LDB2: variants seen among roughly 807,000 people sequenced by gnomAD.
The protein encoded by LDB2 is LIM domain-binding protein 2.
In LDB2, 12 loss-of-function variants were observed where a neutral mutation model predicts 44.3. The observed-to-expected ratio is 0.27, with a 90% CI of 0.17 to 0.44. The LOEUF (loss-of-function observed/expected upper bound fraction) is 0.44, where lower values mean the gene tolerates loss of function less well. LDB2 is among the 20% of genes least tolerant of loss of function. LDB2 has a pLI of 1.00. For missense variants in LDB2, 344 were observed against 473.5 expected (o/e 0.73, Z 2.54); for synonymous variants, 164 against 174.8 (o/e 0.94, Z 0.49).
chr4:16,535,894 T>A (rs1731664626), intron 5 of LDB2, among the ~76,000 whole-genome samples: 1 of 152,160 alleles, frequency 6.6e-6, no homozygotes, highest in Non-Finnish European at 1.5e-5. Context: ...GGAGTTGAAC[T>A]TGTGTAAAAG....
At chr4:16,591,539 C>T (rs1489235209) in intron 3 of LDB2, among the ~76,000 whole-genome samples, 1 of 152,102 alleles carries the variant, frequency 6.6e-6, no homozygotes, top group African/African-American at 2.4e-5. Context: ...AAATAAATGA[C>T]TTATTTGAAT....
At chr4:16,666,431 G>A (rs752098969) in intron 2 of LDB2, among the ~76,000 whole-genome samples, 1 of 152,200 alleles carries the variant, frequency 6.6e-6, no homozygotes, top group Non-Finnish European at 1.5e-5. Context: ...CCTCACAACG[G>A]TAGTGACTCT....
intron 2 of LDB2, among the ~76,000 whole-genome samples, chr4:16,604,150 G>C (rs745821719): frequency 3.3e-5 from 5 of 152,132 alleles, no homozygotes; most frequent in Non-Finnish European, 5.9e-5. Flanking sequence ...ATAGTGCCTG[G>C]CCAACAAATA....
chr4:16,715,750 C>T (rs911311795), intron 2 of LDB2, among the ~76,000 whole-genome samples: 7 of 152,208 alleles, frequency 4.6e-5, no homozygotes, highest in African/African-American at 1.7e-4. Context: ...AAGAGGATCT[C>T]CTCAACTTAA....
chr4:16,564,318 GT>G (rs1443614582), intron 5 of LDB2, among the ~76,000 whole-genome samples: 1 of 152,088 alleles, frequency 6.6e-6, no homozygotes, highest in Non-Finnish European at 1.5e-5. Context: ...CTGAGATCTC[GT>G]CACCGCACTC....
At position 16,501,796 on chromosome 4, in the gene LDB2, G is replaced by A. The variant is rs1304032428; in HGVS notation, c.*847C>T. On this transcript the variant is annotated 3_prime_UTR_variant, in exon 8 of 8. Transcript: ENST00000304523. ...ACAAGAAATATACTATAAAAAGAAA[G>A]GATGGTCAACTCAGGTACAATTAGA... 1 of 152,536 alleles carries A rather than the reference G, an allele frequency of 6.6e-6. No individual in the cohort carries two copies. The highest frequency in any genetic ancestry group is 2.4e-5 in the African/African-American group (1 of 41,410). The allele number at this position is 152,536 out of a possible 1,614,324, so 9.4% of individuals were successfully genotyped here.
chr4:16,758,882 A>G (rs1233151225), intron 2 of LDB2, among the ~76,000 whole-genome samples: 1 of 152,182 alleles, frequency 6.6e-6, no homozygotes, highest in Admixed American at 6.5e-5. Flanking sequence ...GAAATTGTCC[A>G]TCATTCCGCT....
intron 3 of LDB2, among the ~76,000 whole-genome samples, chr4:16,589,085 CTA>C (rs1717996588): frequency 6.6e-6 from 1 of 152,186 alleles, no homozygotes; most frequent in Non-Finnish European, 1.5e-5. Flanking sequence ...TACTGAAACT[CTA>C]TGACCCTCAG....
rs145355160 is a variant in LDB2 at position 16,759,237 on chromosome 4, G to A, written c.156C>T (p.Asp52=). 4.3e-5 allele frequency: 69 copies of A among 1,613,334 alleles called. No homozygotes were observed. The highest frequency in any genetic ancestry group is 2.1e-4 in the South Asian group (19 of 91,062). The change falls in exon 2 of 8, where the codon GAC becomes GAT. Residue 52 remains aspartate, a synonymous_variant. Transcript: ENST00000304523. ...RTEDSDNLWW[D]AFATEFFEDD... is the part of the protein sequence containing the mutation. Reference sequence around the variant, plus strand: ...CTTCAAAAAATTCAGTGGCAAAGGCGTCCCACCAGAGGTTGTCACTATCCT... The same window carrying A: ...CTTCAAAAAATTCAGTGGCAAAGGCATCCCACCAGAGGTTGTCACTATCCT...
intron 5 of LDB2, among the ~76,000 whole-genome samples, chr4:16,535,541 T>C (rs974911469): frequency 3.9e-5 from 6 of 152,134 alleles, no homozygotes; most frequent in African/African-American, 4.8e-5. Flanking sequence ...TTCACTCTTA[T>C]GGGGGAAGAA....
At position 16,597,176 on chromosome 4, in the gene LDB2, A is replaced by G. The variant is rs551212154; in HGVS notation, c.236-1301T>C. 4.6e-5 allele frequency among the ~76,000 whole-genome samples: 7 copies of G among 152,302 alleles called. No individual in the cohort carries two copies. In the East Asian group the frequency reaches 1.2e-3, roughly 25 times the overall value. On this transcript the variant is annotated intron_variant, in intron 2 of 7. Coordinates refer to ENST00000304523, the MANE Select transcript of LDB2 (RefSeq NM_001290.5). Reference sequence around the variant, plus strand: ...ACTTGGAAAAAATAAGTATAAAGAAAATACCCTGCCAAATTGTTTTCTGAA... The same window carrying G: ...ACTTGGAAAAAATAAGTATAAAGAAGATACCCTGCCAAATTGTTTTCTGAA...
chr4:16,814,073 T>G (rs1436056962), intron 1 of LDB2, among the ~76,000 whole-genome samples: 1 of 152,040 alleles, frequency 6.6e-6, no homozygotes, highest in Non-Finnish European at 1.5e-5. Flanking sequence ...GGGTTTCACT[T>G]GTTAGCCAGG....
chr4:16,866,063 A>G (rs1714604980), intron 1 of LDB2, among the ~76,000 whole-genome samples: 1 of 152,196 alleles, frequency 6.6e-6, no homozygotes, highest in Non-Finnish European at 1.5e-5. Flanking sequence ...AAGTCTAATA[A>G]TTGTTGTTCC....
chr4:16,801,488 C>T lies in LDB2; in HGVS notation c.133-42228G>A, dbSNP rs918439636. On this transcript the variant is annotated intron_variant, in intron 1 of 7. Coordinates refer to ENST00000304523, the MANE Select transcript of LDB2 (RefSeq NM_001290.5). The stretch of plus-strand genomic sequence containing the variant: ...AAGGAAATTGAAGGGATAAGAAATA[C>T]GGGAAAGAGGGCAAGCAGACTCATA... 3.3e-5 allele frequency among the ~76,000 whole-genome samples: 5 copies of T among 152,174 alleles called. No individual in the cohort carries two copies. The South Asian group carries it at 6.2e-4, about 19-fold the overall frequency.
intron 5 of LDB2, among the ~76,000 whole-genome samples, chr4:16,575,402 C>T (rs760940149): frequency 1.3e-5 from 2 of 152,146 alleles, no homozygotes; most frequent in African/African-American, 4.8e-5. Flanking sequence ...CTCTTCCAGA[C>T]AGAGAGTCAG....
intron 1 of LDB2, among the ~76,000 whole-genome samples, chr4:16,854,296 T>G (rs974373473): frequency 6.6e-6 from 1 of 152,020 alleles, no homozygotes; most frequent in Non-Finnish European, 1.5e-5. Flanking sequence ...CTTTTAAAAA[T>G]TATTTCATAA....
chr4:16,625,713 A>T (rs1296401090), intron 2 of LDB2, among the ~76,000 whole-genome samples: 1 of 152,172 alleles, frequency 6.6e-6, no homozygotes, highest in African/African-American at 2.4e-5. Context: ...CTGAAAACTT[A>T]CGGAAGTTTA....
chr4:16,719,959 G>A (rs1266645464), intron 2 of LDB2, among the ~76,000 whole-genome samples: 1 of 151,990 alleles, frequency 6.6e-6, no homozygotes, highest in Non-Finnish European at 1.5e-5. Flanking sequence ...ACAGATTCTA[G>A]AGATTATTTT....
chr4:16,747,458 G>A (rs1189659234), intron 2 of LDB2, among the ~76,000 whole-genome samples: 2 of 152,176 alleles, frequency 1.3e-5, no homozygotes, highest in Non-Finnish European at 2.9e-5. Context: ...AAATAAGTAT[G>A]AGAATTAAGT....
Sources: gnomAD v4.1 joint callset for allele counts (sites outside exome capture counted in the v4.1 genomes callset) on GRCh38, gnomAD v4.1.1 for gene constraint, MANE v1.5 for transcripts, NCBI Gene and HGNC (gene_info 2026-07-23, HGNC 2026-07-21) for gene names.